Variants in CFAP90 observed in about 807,000 individuals in gnomAD.
The protein encoded by CFAP90 is cilia- and flagella-associated protein 90.
At chr5:7,849,853 CG>C in the CFAP90 span, among the ~76,000 whole-genome samples, 1 of 152,098 alleles carries the variant, frequency 6.6e-6, no homozygotes, top group East Asian at 1.9e-4. Flanking sequence ...ACCATCCGGG[CG>C]TAGTCCCGGC....
chr5:7,848,753 G>A, the CFAP90 span, among the ~76,000 whole-genome samples: 2 of 152,296 alleles, frequency 1.3e-5, no homozygotes, highest in African/African-American at 2.4e-5. Context: ...CTGTTCTCGT[G>A]ATAGTGAGTT....
At chr5:7,843,837 G>C in the CFAP90 span, among the ~76,000 whole-genome samples, 2 of 152,184 alleles carry the variant, frequency 1.3e-5, no homozygotes, top group African/African-American at 2.4e-5. Flanking sequence ...GTTATTAAAT[G>C]AAAAGGGCAA....
the CFAP90 span, chr5:7,832,006 C>T: frequency 4.7e-3 from 7,543 of 1,611,662 alleles, 322 homozygotes; most frequent in African/African-American, 0.089. Context: ...AAGACGTCAG[C>T]ACTCCAACCG....
chr5:7,832,394 C>T, the CFAP90 span, among the ~76,000 whole-genome samples: 1 of 152,208 alleles, frequency 6.6e-6, no homozygotes, highest in Non-Finnish European at 1.5e-5. Flanking sequence ...TGACCCCTCC[C>T]CTCCCCAGCT....
the CFAP90 span, chr5:7,850,808 C>T: frequency 2.3e-6 from 2 of 856,756 alleles, no homozygotes; most frequent in East Asian, 3.9e-5. Context: ...AGCCGCCCAG[C>T]CGCCCAGCCG....
chr5:7,835,329 A>G, the CFAP90 span: 102 of 986,942 alleles, frequency 1.0e-4, no homozygotes, highest in Non-Finnish European at 1.5e-4. Flanking sequence ...ATATGCCTCT[A>G]TAAAGTTTTG....
chr5:7,846,935 G>T, the CFAP90 span, among the ~76,000 whole-genome samples: 2 of 152,090 alleles, frequency 1.3e-5, no homozygotes, highest in Admixed American at 1.3e-4. Context: ...AGTATAGATG[G>T]GGTTTCACCA....
At chr5:7,833,490 AATAGATAC>A in the CFAP90 span, among the ~76,000 whole-genome samples, 5 of 151,996 alleles carry the variant, frequency 3.3e-5, no homozygotes, top group East Asian at 1.9e-4. Context: ...ACACATATAT[AATAGATAC>A]ATACACACAT....
At chr5:7,849,837 C>T in the CFAP90 span, among the ~76,000 whole-genome samples, 1 of 152,108 alleles carries the variant, frequency 6.6e-6, no homozygotes, top group Non-Finnish European at 1.5e-5. Flanking sequence ...GTTTCCCGCG[C>T]CCTGGACCAT....
At chr5:7,850,583 T>A in the CFAP90 span, among the ~76,000 whole-genome samples, 1 of 9,704 alleles carries the variant, frequency 1.0e-4, no homozygotes, top group African/African-American at 4.5e-4. Context: ...CTGCCTCCCC[T>A]AAGGTAACCC....
At chr5:7,844,879 T>C in the CFAP90 span, among the ~76,000 whole-genome samples, 1 of 152,208 alleles carries the variant, frequency 6.6e-6, no homozygotes, top group Non-Finnish European at 1.5e-5. Context: ...TTGAGCACTG[T>C]CTGCATACTG....
At chr5:7,835,519 A>C in the CFAP90 span, 4 of 1,404,132 alleles carry the variant, frequency 2.8e-6, no homozygotes, top group East Asian at 2.3e-5. Context: ...AAAGAGAAAG[A>C]AAGCCATGGG....
the CFAP90 span, among the ~76,000 whole-genome samples, chr5:7,843,228 T>C: frequency 6.6e-6 from 1 of 152,240 alleles, no homozygotes; most frequent in Non-Finnish European, 1.5e-5. Flanking sequence ...AGGTTTGGTA[T>C]TGTGTGAAGC....
the CFAP90 span, among the ~76,000 whole-genome samples, chr5:7,850,037 T>C: frequency 7.2e-5 from 11 of 152,128 alleles, no homozygotes; most frequent in South Asian, 2.1e-3. Context: ...TCCTGACACC[T>C]AGTGGCTCCC....
At chr5:7,850,926 C>T in the CFAP90 span, 13 of 1,358,378 alleles carry the variant, frequency 9.6e-6, no homozygotes, top group Non-Finnish European at 1.2e-5. Context: ...GGCGCCGCGG[C>T]GGGATGTAGC....
chr5:7,835,011 C>A, the CFAP90 span, among the ~76,000 whole-genome samples: 1 of 152,090 alleles, frequency 6.6e-6, no homozygotes, highest in Non-Finnish European at 1.5e-5. Context: ...GGTTCTAAAC[C>A]ACGGCAATAA....
At chr5:7,832,072 C>G in the CFAP90 span, 56 of 1,574,754 alleles carry the variant, frequency 3.6e-5, no homozygotes, top group Admixed American at 3.7e-4. Context: ...CCACTGCATT[C>G]GCCAGCACAG....
At chr5:7,838,352 G>A in the CFAP90 span, among the ~76,000 whole-genome samples, 1 of 152,144 alleles carries the variant, frequency 6.6e-6, no homozygotes, top group South Asian at 2.1e-4. Flanking sequence ...TTTAAGACAT[G>A]ATAGAGAAAT....
At chr5:7,834,977 A>T in the CFAP90 span, among the ~76,000 whole-genome samples, 1 of 152,326 alleles carries the variant, frequency 6.6e-6, no homozygotes, top group East Asian at 1.9e-4. Context: ...ACGTACAAGC[A>T]TACCTCAGAG....
Sources: allele counts gnomAD v4.1 joint callset (sites outside exome capture counted in the v4.1 genomes callset), GRCh38; gene constraint gnomAD v4.1.1; transcripts MANE v1.5; gene names NCBI Gene and HGNC (gene_info 2026-07-23, HGNC 2026-07-21).